SCUBE1: variants seen among roughly 807,000 people sequenced by gnomAD.
SCUBE1 encodes signal peptide, CUB domain and EGF like domain containing 1.
Under a neutral mutation model 124.4 loss-of-function variants are expected in SCUBE1, and 59 were observed. That is an observed-to-expected ratio of 0.47 (90% CI 0.38 to 0.59). The LOEUF (loss-of-function observed/expected upper bound fraction) is 0.59, where lower values mean the gene tolerates loss of function less well. SCUBE1 is among the 20% of genes least tolerant of loss of function. The pLI, the probability that SCUBE1 is intolerant of heterozygous loss-of-function variation, is 0.00. For synonymous variants in SCUBE1, 545 were observed against 550.9 expected (o/e 0.99, Z 0.15); for missense variants, 1,150 against 1,371.2 (o/e 0.84, Z 2.55).
intron 1 of SCUBE1, among the ~76,000 whole-genome samples, chr22:43,342,627 C>G (rs1927360484): frequency 6.6e-6 from 1 of 152,034 alleles, no homozygotes; most frequent in Non-Finnish European, 1.5e-5. Context: ...CCTCCTCCTT[C>G]CCCGGGCGGT....
At chr22:43,215,139 G>A (rs1921753260) in intron 15 of SCUBE1, among the ~76,000 whole-genome samples, 1 of 152,224 alleles carries the variant, frequency 6.6e-6, no homozygotes, top group Non-Finnish European at 1.5e-5. Flanking sequence ...GGAACCAGGG[G>A]TCCTTGGGGA....
At chr22:43,302,699 G>A (rs1225498761) in intron 3 of SCUBE1, among the ~76,000 whole-genome samples, 1 of 152,238 alleles carries the variant, frequency 6.6e-6, no homozygotes, top group Non-Finnish European at 1.5e-5. Flanking sequence ...AGCTGTGAAT[G>A]TGATCCTGGC....
chr22:43,267,448 C>T (rs1409028438), intron 4 of SCUBE1, among the ~76,000 whole-genome samples: 1 of 152,198 alleles, frequency 6.6e-6, no homozygotes, highest in Non-Finnish European at 1.5e-5. Flanking sequence ...CTTATGGCAT[C>T]CCTAGCTGCG....
rs1927264323 is a variant in SCUBE1, at chr22:43,340,218, A to G, written c.89-983T>C. Among the ~76,000 whole-genome samples, 4 of 151,840 alleles carry G rather than the reference A, an allele frequency of 2.6e-5. No homozygotes were observed. The South Asian group carries it at 6.2e-4, about 24-fold the overall frequency. ...GTCTGGTGGCAGAACCACACCCTCA[A>G]CTGGGCTAACCTGAGCCCATCCATG... On this transcript the variant is annotated intron_variant, in intron 1 of 21. Coordinates refer to ENST00000360835, the MANE Select transcript of SCUBE1 (RefSeq NM_173050.5).
intron 7 of SCUBE1, chr22:43,232,429 T>C (rs1265084881): frequency 6.5e-6 from 1 of 154,284 alleles, no homozygotes; most frequent in Non-Finnish European, 1.4e-5. Context: ...CTCAAGAAAC[T>C]TTTTTCAAAA....
intron 6 of SCUBE1, among the ~76,000 whole-genome samples, chr22:43,256,311 C>T (rs1006822613): frequency 5.9e-5 from 9 of 152,220 alleles, no homozygotes; most frequent in Non-Finnish European, 8.8e-5. Context: ...GAAGTGGCCC[C>T]GAGCTGGCCA....
intron 5 of SCUBE1, among the ~76,000 whole-genome samples, chr22:43,259,995 C>T (rs1254788059): frequency 6.6e-6 from 1 of 152,202 alleles, no homozygotes; most frequent in Non-Finnish European, 1.5e-5. Context: ...CCAGGGAAGC[C>T]AGGGATTCCG....
At chr22:43,252,241 T>G (rs1386375610) in intron 6 of SCUBE1, among the ~76,000 whole-genome samples, 6 of 152,184 alleles carry the variant, frequency 3.9e-5, no homozygotes, top group African/African-American at 1.4e-4. Context: ...CCGGCCACAT[T>G]CTAGACTTAC....
chr22:43,222,516 G>A (rs921291033), intron 12 of SCUBE1, 122 bp downstream of exon 12: 67 of 740,534 alleles, frequency 9.0e-5, no homozygotes, highest in Non-Finnish European at 1.3e-4. Context: ...CAGGCCACAC[G>A]GAGCAGGGCC....
intron 6 of SCUBE1, among the ~76,000 whole-genome samples, chr22:43,249,327 G>A (rs927055880): frequency 8.0e-5 from 12 of 150,052 alleles, no homozygotes; most frequent in African/African-American, 2.9e-4. Flanking sequence ...AGCTGGGGTG[G>A]ACGGGAGCTG....
At chr22:43,231,900 G>A (rs1569502812) in intron 7 of SCUBE1, 25 bp from the exon 8 acceptor site, 1 of 1,609,608 alleles carries the variant, frequency 6.2e-7, no homozygotes, top group Non-Finnish European at 8.5e-7. Flanking sequence ...GGGGATGGAG[G>A]AGTGAGAGCC....
chr22:43,308,232 G>A (rs941058830), intron 3 of SCUBE1, among the ~76,000 whole-genome samples: 3 of 152,192 alleles, frequency 2.0e-5, no homozygotes, highest in African/African-American at 4.8e-5. Flanking sequence ...TGTAGAAGGC[G>A]GAGAGGAGAG....
chr22:43,247,953 T>C (rs2146695379), intron 6 of SCUBE1, among the ~76,000 whole-genome samples: 1 of 152,336 alleles, frequency 6.6e-6, no homozygotes, highest in East Asian at 1.9e-4. Flanking sequence ...CAGAGGGCAC[T>C]GAGGTTGCAT....
chr22:43,224,597 G>A (rs1456733510), intron 10 of SCUBE1, among the ~76,000 whole-genome samples: 1 of 152,166 alleles, frequency 6.6e-6, no homozygotes, highest in Non-Finnish European at 1.5e-5. Context: ...GCCAATTCCT[G>A]TAGGCAACTA....
intron 3 of SCUBE1, among the ~76,000 whole-genome samples, chr22:43,313,469 C>A (rs1926239470): frequency 6.6e-6 from 1 of 152,212 alleles, no homozygotes; most frequent in South Asian, 2.1e-4. Flanking sequence ...AAGAAATTAT[C>A]CACTGCTGGT....
At chr22:43,244,934 G>A (rs1923146604) in intron 6 of SCUBE1, among the ~76,000 whole-genome samples, 2 of 152,252 alleles carry the variant, frequency 1.3e-5, no homozygotes, top group Admixed American at 1.3e-4. Flanking sequence ...CTGCCCTTCT[G>A]TCCCTAGAAT....
intron 15 of SCUBE1, among the ~76,000 whole-genome samples, chr22:43,214,924 A>G (rs6003107): frequency 0.4 from 61,329 of 152,042 alleles, 13,057 homozygotes; most frequent in Middle Eastern, 0.57. Context: ...AGGTTAGAAA[A>G]GACCCTGAGG....
At chr22:43,268,698 T>G (rs1295369032) in intron 4 of SCUBE1, among the ~76,000 whole-genome samples, 1 of 152,220 alleles carries the variant, frequency 6.6e-6, no homozygotes, top group Non-Finnish European at 1.5e-5. Context: ...TCCCAGAGTG[T>G]GCTAAATGTG....
intron 6 of SCUBE1, among the ~76,000 whole-genome samples, chr22:43,244,908 A>G (rs1431976277): frequency 1.3e-5 from 2 of 152,228 alleles, no homozygotes; most frequent in African/African-American, 2.4e-5. Flanking sequence ...TGATCCCTCA[A>G]TCAGGGCTGG....
Sources: gnomAD v4.1 joint callset for allele counts (sites outside exome capture counted in the v4.1 genomes callset) on GRCh38, gnomAD v4.1.1 for gene constraint, MANE v1.5 for transcripts, NCBI Gene and HGNC (gene_info 2026-07-23, HGNC 2026-07-21) for gene names.